The following SSH2 variants were observed in gnomAD, a reference collection of about 807,000 sequenced individuals.
SSH2 encodes the protein protein phosphatase Slingshot homolog 2.
A neutral mutation model predicts 135.2 loss-of-function variants in SSH2; 37 were observed. The ratio of observed to expected loss-of-function variants is 0.27; its 90% CI spans 0.21 to 0.36. The LOEUF is 0.36. Among genes scored for constraint, SSH2 ranks in the 10% least tolerant of loss-of-function variants. The pLI, the probability that SSH2 is intolerant of heterozygous loss-of-function variation, is 1.00. For missense variants in SSH2, 1,408 were observed against 1,765.3 expected (o/e 0.80, Z 3.63); for synonymous variants, 628 against 646.2 (o/e 0.97, Z 0.43).
intron 2 of SSH2, among the ~76,000 whole-genome samples, chr17:29,807,347 A>G (rs2042363704): frequency 6.6e-6 from 1 of 152,182 alleles, no homozygotes; most frequent in Admixed American, 6.5e-5. Context: ...CTACGTTAAT[A>G]TTTTACTATT....
intron 5 of SSH2, among the ~76,000 whole-genome samples, chr17:29,685,148 T>G (rs964932724): frequency 2.6e-5 from 4 of 152,230 alleles, no homozygotes; most frequent in Admixed American, 2.0e-4. Context: ...TTTGCTATAC[T>G]GAATTCCTGC....
At chr17:29,761,356 C>CGGCGGCGGA in intron 3 of SSH2, 1 of 1,067,250 alleles carries the variant, frequency 9.4e-7, no homozygotes, top group African/African-American at 1.7e-5. Context: ...CGCGTGCACC[C>CGGCGGCGGA]GGCGGCGGAG....
rs1598717256 is a variant in SSH2 at position 29,648,249 on chromosome 17, T to C, written c.1322A>G (p.Asn441Ser). The C allele has an allele frequency of 1.9e-6, 3 of 1,614,194 alleles. No individual in the cohort carries two copies. The highest frequency in any genetic ancestry group is 1.6e-4 in the Middle Eastern group (1 of 6,062). The change falls in exon 14 of 16, where the codon AAT (asparagine) becomes AGT (serine). Residue 441 changes from asparagine (N) to serine (S), a missense_variant. Asn to Ser is a conservative substitution (Grantham distance 46, BLOSUM62 1). Coordinates refer to ENST00000540801, the MANE Select transcript of SSH2 (RefSeq NM_001282129.2). Reference protein sequence around the residue: ...IAYAMKEYGWNLDRAYDYVKE... With the variant: ...IAYAMKEYGWSLDRAYDYVKE... ...CACATAGTCATAGGCTCGGTCCAGA[T>C]TCCAGCCATATTCCTTCATTGCATA...
At chr17:29,695,366 A>T in intron 5 of SSH2, 93 bp downstream of exon 5, 2 of 907,500 alleles carry the variant, frequency 2.2e-6, no homozygotes, top group Non-Finnish European at 3.5e-6. Flanking sequence ...CATAGTTCCC[A>T]GCACTGTGTT....
chr17:29,865,034 T>A (rs1425202384), intron 1 of SSH2, among the ~76,000 whole-genome samples: 2 of 152,226 alleles, frequency 1.3e-5, no homozygotes, highest in Admixed American at 6.5e-5. Flanking sequence ...AATGGTGGAA[T>A]CATATCACTC....
intron 3 of SSH2, 142 bp from the exon 4 acceptor site, chr17:29,703,204 C>T (rs2039059052): frequency 1.6e-6 from 1 of 632,956 alleles, no homozygotes; most frequent in Non-Finnish European, 2.8e-6. Flanking sequence ...TCAAGAGAGG[C>T]TGTGGTTACT....
Position 29,744,884 on chromosome 17 carries a change from TG to T in SSH2, c.189-41823del, listed in dbSNP as rs1243235565. ...GAGTGTGTGTGTGTGTGTGTGTGTGTGTGTGTGTGTGTGTGTGTTTAAATAA... is the reference window on the plus strand; with the variant it reads ...GAGTGTGTGTGTGTGTGTGTGTGTGTTGTGTGTGTGTGTGTGTTTAAATAA... On this transcript the variant is annotated intron_variant, in intron 3 of 15. Transcript: ENST00000540801. Among the ~76,000 whole-genome samples the T allele has an allele frequency of 9.2e-5, 14 of 151,412 alleles. No homozygotes were observed. In the South Asian group the frequency reaches 1.9e-3, roughly 20 times the overall value.
intron 2 of SSH2, among the ~76,000 whole-genome samples, chr17:29,842,575 T>G (rs2043061881): frequency 6.6e-6 from 1 of 152,184 alleles, no homozygotes; most frequent in Non-Finnish European, 1.5e-5. Context: ...CAAATCTTAT[T>G]TCTCCTCAAA....
chr17:29,636,122 A>T lies in SSH2; in HGVS notation c.2108T>A (p.Met703Lys). The change falls in exon 15 of 16, where the codon ATG becomes AAG. Residue 703 changes from methionine to lysine, a missense_variant. Physicochemically the swap from Met to Lys is moderately conservative, Grantham distance 95 (BLOSUM62 -1). This residue lies in a region of SSH2 where 1,080 missense variants were observed against 1,144.5 expected (regional missense o/e 0.94). Transcript: ENST00000540801. ...ATTCCTTCCTCCACCCAGTTCCTCC[A>T]TCCTTGAATGGGAAAAAGATCGTGA... ...TRSRSFSHSR[M>K]EELGGGRNES... The T allele has an allele frequency of 6.2e-7, 1 of 1,614,142 alleles. No homozygotes were observed. The highest frequency in any genetic ancestry group is 8.5e-7 in the Non-Finnish European group (1 of 1,180,024).
At chr17:29,753,792 GAA>G (rs58985020) in intron 3 of SSH2, among the ~76,000 whole-genome samples, 226 of 120,080 alleles carry the variant, frequency 1.9e-3, no homozygotes, top group African/African-American at 2.5e-3. Flanking sequence ...GACTCTGTCT[GAA>G]AAAAAAAAAA....
intron 4 of SSH2, 128 bp from the exon 5 acceptor site, chr17:29,695,651 A>C: frequency 1.4e-6 from 1 of 698,282 alleles, no homozygotes; most frequent in Non-Finnish European, 2.4e-6. Context: ...TTAGACATAG[A>C]AATTAAATGA....
intron 3 of SSH2, among the ~76,000 whole-genome samples, chr17:29,718,732 C>CAA (rs752148237): frequency 0.028 from 2,179 of 77,212 alleles, 335 homozygotes; most frequent in South Asian, 0.065. Flanking sequence ...GATTTCACCT[C>CAA]AAAAAAAAAA....
At chr17:29,727,195 T>C (rs1027521967) in intron 3 of SSH2, among the ~76,000 whole-genome samples, 1 of 152,230 alleles carries the variant, frequency 6.6e-6, no homozygotes, top group Non-Finnish European at 1.5e-5. Flanking sequence ...AGATAAGTTC[T>C]GAAACTACCA....
intron 6 of SSH2, among the ~76,000 whole-genome samples, chr17:29,678,881 AT>A (rs2037845473): frequency 6.6e-6 from 1 of 151,670 alleles, no homozygotes; most frequent in South Asian, 2.1e-4. Context: ...TGCCCGGCTA[AT>A]TTTTGTATTT....
chr17:29,847,608 G>T (rs2043154945), intron 2 of SSH2, among the ~76,000 whole-genome samples: 1 of 152,116 alleles, frequency 6.6e-6, no homozygotes, highest in Non-Finnish European at 1.5e-5. Flanking sequence ...CCCCTTTAAG[G>T]TAGAACAATG....
intron 11 of SSH2, among the ~76,000 whole-genome samples, chr17:29,663,293 A>T (rs1043036990): frequency 2.0e-5 from 3 of 152,362 alleles, no homozygotes; most frequent in African/African-American, 7.2e-5. Flanking sequence ...AGCTCCAGGC[A>T]TGGCAGCTAT....
At chr17:29,756,890 C>T (rs567789184) in intron 3 of SSH2, among the ~76,000 whole-genome samples, 2 of 151,950 alleles carry the variant, frequency 1.3e-5, no homozygotes, top group South Asian at 2.1e-4. Context: ...CTCCTGACCT[C>T]GTGATCCATC....
chr17:29,783,553 C>G (rs1426550546), intron 3 of SSH2, among the ~76,000 whole-genome samples: 1 of 151,924 alleles, frequency 6.6e-6, no homozygotes, highest in Non-Finnish European at 1.5e-5. Context: ...TTTCTGCCTG[C>G]TTTATATTCG....
intron 2 of SSH2, among the ~76,000 whole-genome samples, chr17:29,799,830 C>T (rs755443596): frequency 3.3e-5 from 5 of 152,146 alleles, no homozygotes; most frequent in Non-Finnish European, 5.9e-5. Context: ...GTACCACACC[C>T]TATGGGACTT....
Sources: gnomAD v4.1 joint callset for allele counts (sites outside exome capture counted in the v4.1 genomes callset) on GRCh38, gnomAD v4.1.1 for gene constraint, gnomAD v4.1.1 regional missense constraint, MANE v1.5 for transcripts, NCBI Gene and HGNC (gene_info 2026-07-23, HGNC 2026-07-21) for gene names.